The following PWP1 variants were observed in gnomAD, a reference collection of about 807,000 sequenced individuals.
PWP1 encodes the protein periodic tryptophan protein 1 homolog.
PWP1 carries 47 observed loss-of-function variants against 69.9 expected under a neutral mutation model. The observed-to-expected ratio is 0.67, with a 90% CI of 0.53 to 0.86. The LOEUF (loss-of-function observed/expected upper bound fraction) is 0.86. PWP1 is among the 40% of genes least tolerant of loss of function. The pLI, the probability that PWP1 is intolerant of heterozygous loss-of-function variation, is 0.00. For missense variants in PWP1, 551 were observed against 608.8 expected (o/e 0.91, Z 1.00); for synonymous variants, 222 against 208.2 (o/e 1.07, Z -0.57).
At chr12:107,707,206 T>C (rs1162379956) in intron 11 of PWP1, among the ~76,000 whole-genome samples, 3 of 152,180 alleles carry the variant, frequency 2.0e-5, no homozygotes, top group African/African-American at 7.2e-5. Context: ...TTGTCTATTA[T>C]TGGTGTATAA....
Position 107,699,373 on chromosome 12 carries a change from A to G in PWP1, c.745A>G (p.Ser249Gly), listed in dbSNP as rs1448756192. Residue 249 changes from serine to glycine, a missense_variant and splice_region_variant, in exon 8 of 15, where the codon AGT (serine) becomes GGT (glycine). By Grantham distance (56) the Ser-to-Gly change is moderately conservative. Coordinates refer to ENST00000412830, the MANE Select transcript of PWP1 (RefSeq NM_007062.3). ...AAAATAATTAAAACAATTATTACAGAGTTCCTCAGCAGAAGGGCATACCGA... is the reference window on the plus strand; with the variant it reads ...AAAATAATTAAAACAATTATTACAGGGTTCCTCAGCAGAAGGGCATACCGA... ...SKKKKKKGKK[S>G]SSAEGHTDAV... 23 of 1,610,124 alleles carry G rather than the reference A, an allele frequency of 1.4e-5. No homozygotes were observed. Among genetic ancestry groups the G allele is most frequent in the Non-Finnish European group, 1.8e-5 (21 of 1,177,134 alleles).
intron 5 of PWP1, among the ~76,000 whole-genome samples, chr12:107,695,748 ATATGAAT>A (rs1347951067): frequency 6.6e-6 from 1 of 152,204 alleles, no homozygotes; most frequent in Non-Finnish European, 1.5e-5. Context: ...AGATTTCCAA[ATATGAAT>A]TATTTCTCTC....
In PWP1 at chr12:107,685,811, C is replaced by A; in HGVS notation, c.-89C>A. On this transcript the variant is annotated 5_prime_UTR_variant, in exon 1 of 15. Transcript: ENST00000412830. ...GCTCTGCCCTGGCAGCGGCCCTGTG[C>A]AGATCCCTGAGCGTGTGGCAGCAGT... 7.0e-7 allele frequency: 1 copy of A among 1,432,014 alleles called. No individual in the cohort carries two copies. Among genetic ancestry groups the A allele is most frequent in the Non-Finnish European group, 9.8e-7 (1 of 1,020,104 alleles). 88.7% of individuals were successfully genotyped at this position (1,432,014 alleles called of 1,614,324 possible).
At position 107,712,391 on chromosome 12, in the gene PWP1, G is replaced by A. The variant is rs1889974078; in HGVS notation, c.*171G>A. On this transcript the variant is annotated 3_prime_UTR_variant, in exon 15 of 15. Coordinates refer to ENST00000412830, the MANE Select transcript of PWP1 (RefSeq NM_007062.3). ...CCACAAATATCCGGTCTTTGTGCTT[G>A]CTCTTCAGATGGATGGTTTGTAAGG... is the stretch of plus-strand genomic sequence containing the variant. The A allele has an allele frequency of 1.9e-6, 1 of 538,544 alleles. No individual in the cohort carries two copies. The highest frequency in any genetic ancestry group is 3.3e-6 in the Non-Finnish European group (1 of 301,880). 33.4% of individuals were successfully genotyped at this position (538,544 alleles called of 1,614,324 possible).
At chr12:107,696,615 T>G in intron 6 of PWP1, 31 bp downstream of exon 6, 1 of 1,612,268 alleles carries the variant, frequency 6.2e-7, no homozygotes, top group Non-Finnish European at 8.5e-7. Flanking sequence ...TGTTCAATGA[T>G]TTCCAGTCTT....
intron 10 of PWP1, 63 bp from the exon 11 acceptor site, chr12:107,704,573 T>A: frequency 8.9e-7 from 1 of 1,118,096 alleles, no homozygotes; most frequent in Non-Finnish European, 1.3e-6. Flanking sequence ...ACTATTTCAT[T>A]ATAAATAAAA....
chr12:107,709,039 T>C, intron 12 of PWP1, 23 bp downstream of exon 12: 1 of 1,613,574 alleles, frequency 6.2e-7, no homozygotes, highest in South Asian at 1.1e-5. Context: ...AATGCTTCTT[T>C]CATTTTTCTT....
chr12:107,711,659 T>C (rs931696946), intron 14 of PWP1, among the ~76,000 whole-genome samples: 2 of 151,696 alleles, frequency 1.3e-5, no homozygotes, highest in African/African-American at 4.8e-5. Context: ...AGAGATAATA[T>C]ATATATCTCC....
intron 3 of PWP1, among the ~76,000 whole-genome samples, chr12:107,690,001 C>T (rs550920942): frequency 6.6e-6 from 1 of 152,294 alleles, no homozygotes; most frequent in East Asian, 1.9e-4. Flanking sequence ...AGGCATTTGG[C>T]ACACTGAGCA....
Position 107,696,536 on chromosome 12 carries a change from C to CT in PWP1, c.566dup (p.Ser190GlufsTer8). The stretch of plus-strand genomic sequence containing the variant: ...TGATATACTCTTGTCTGCATATCCT[C>CT]TGAGTGTGGAATGGCTGAATTTTGA... On this transcript the variant is annotated frameshift_variant, in exon 6 of 15. Transcript: ENST00000412830. LOFTEE classifies it high-confidence loss of function. 6.2e-7 allele frequency: 1 copy of CT among 1,614,108 alleles called. No homozygotes were observed. The highest frequency in any genetic ancestry group is 1.7e-5 in the Admixed American group (1 of 60,026).
intron 4 of PWP1, 43 bp downstream of exon 4, chr12:107,692,942 CAAAAAACCTTA>C (rs748878996): frequency 3.2e-4 from 512 of 1,612,236 alleles, no homozygotes; most frequent in Non-Finnish European, 4.1e-4. Flanking sequence ...CTTAAGTGTT[CAAAAAACCTTA>C]CTGGCTCTCT....
chr12:107,690,378 TAAA>T (rs572653182), intron 3 of PWP1, among the ~76,000 whole-genome samples: 1 of 152,132 alleles, frequency 6.6e-6, no homozygotes, highest in African/African-American at 2.4e-5. Context: ...GTCTAAATAA[TAAA>T]AAAGTTTAAA....
chr12:107,708,874 T>C lies in PWP1; in HGVS notation c.1078-52T>C, dbSNP rs371565762. 3.2e-5 allele frequency: 48 copies of C among 1,486,438 alleles called. No homozygotes were observed. In the African/African-American group the frequency reaches 4.7e-4, roughly 15 times the overall value. The allele number at this position is 1,486,438 out of a possible 1,614,324, so 92.1% of individuals were successfully genotyped here. Reference sequence around the variant, plus strand: ...CACTATGACTTAGACTTTTTACCCATTGTTAGATTTTGTGACGTAGCATGA... The same window carrying C: ...CACTATGACTTAGACTTTTTACCCACTGTTAGATTTTGTGACGTAGCATGA... On this transcript the variant is annotated intron_variant, in intron 11 of 14. Transcript: ENST00000412830.
At chr12:107,700,834 T>A (rs911379043) in intron 8 of PWP1, among the ~76,000 whole-genome samples, 1 of 152,214 alleles carries the variant, frequency 6.6e-6, no homozygotes, top group Non-Finnish European at 1.5e-5. Flanking sequence ...TTATTTTCTG[T>A]TTTTCATAAT....
intron 1 of PWP1, among the ~76,000 whole-genome samples, chr12:107,687,796 C>T (rs1889398409): frequency 6.6e-6 from 1 of 151,972 alleles, no homozygotes; most frequent in Non-Finnish European, 1.5e-5. Flanking sequence ...CTTTGGGAGC[C>T]CGAGGCAGGT....
At chr12:107,707,828 C>A (rs185226429) in intron 11 of PWP1, among the ~76,000 whole-genome samples, 38 of 152,080 alleles carry the variant, frequency 2.5e-4, no homozygotes, top group African/African-American at 8.7e-4. Context: ...ATTTTTGCAT[C>A]GATGTTCTTC....
At chr12:107,696,695 C>A in intron 6 of PWP1, 111 bp downstream of exon 6, 2 of 1,478,588 alleles carry the variant, frequency 1.4e-6, no homozygotes, top group Non-Finnish European at 1.8e-6. Flanking sequence ...CTGATATTTT[C>A]TGAAGTTACT....
intron 5 of PWP1, 98 bp from the exon 6 acceptor site, chr12:107,696,376 G>T (rs1260017007): frequency 4.1e-6 from 6 of 1,481,216 alleles, no homozygotes; most frequent in Non-Finnish European, 4.5e-6. Flanking sequence ...TAAAGCACAT[G>T]GCTCACGTAC....
chr12:107,712,239 C>G lies in PWP1; in HGVS notation c.*19C>G. The G allele has an allele frequency of 1.3e-6, 2 of 1,585,470 alleles. No individual in the cohort carries two copies. The highest frequency in any genetic ancestry group is 1.7e-6 in the Non-Finnish European group (2 of 1,155,100). On this transcript the variant is annotated 3_prime_UTR_variant, in exon 15 of 15. Coordinates refer to ENST00000412830, the MANE Select transcript of PWP1 (RefSeq NM_007062.3). Reference sequence around the variant, plus strand: ...GTCTTAATGAAGATCATCTAATTTCCTGCTTACCTTAACTGGGAATTTTAA... The same window carrying G: ...GTCTTAATGAAGATCATCTAATTTCGTGCTTACCTTAACTGGGAATTTTAA...
Sources: gnomAD v4.1 joint callset for allele counts (sites outside exome capture counted in the v4.1 genomes callset) on GRCh38, gnomAD v4.1.1 for gene constraint, MANE v1.5 for transcripts, NCBI Gene and HGNC (gene_info 2026-07-23, HGNC 2026-07-21) for gene names.